The following PCDH9 variants were observed in gnomAD, a reference collection of about 807,000 sequenced individuals.
The protein encoded by PCDH9 is protocadherin-9.
PCDH9 carries 24 observed loss-of-function variants against 70.6 expected under a neutral mutation model. The ratio of observed to expected loss-of-function variants is 0.34; its 90% confidence interval spans 0.25 to 0.48. The LOEUF is 0.48. Among genes scored for constraint, PCDH9 ranks in the 20% least tolerant of loss-of-function variants. The pLI, the probability that PCDH9 is intolerant of heterozygous loss-of-function variation, is 0.99. For missense variants in PCDH9, 1,281 were observed against 1,503.6 expected (o/e 0.85, Z 2.45); for synonymous variants, 562 against 558.5 (o/e 1.01, Z -0.09).
chr13:66,836,278 T>G (rs1208557438), intron 3 of PCDH9, among the ~76,000 whole-genome samples: 1 of 152,200 alleles, frequency 6.6e-6, no homozygotes, highest in Non-Finnish European at 1.5e-5. Flanking sequence ...CCCAGTAGTT[T>G]AGGATAAATT....
intron 2 of PCDH9, among the ~76,000 whole-genome samples, chr13:67,178,053 A>G (rs752315661): frequency 3.3e-5 from 5 of 152,168 alleles, no homozygotes; most frequent in African/African-American, 7.2e-5. Flanking sequence ...TCACTGTACA[A>G]TATACAAACA....
intron 4 of PCDH9, among the ~76,000 whole-genome samples, chr13:66,559,798 T>TAAAAA (rs1961915814): frequency 2.9e-4 from 1 of 3,464 alleles, no homozygotes; most frequent in African/African-American, 8.2e-4. Flanking sequence ...AGACTCCATC[T>TAAAAA]CAAAAAAAAA....
intron 3 of PCDH9, among the ~76,000 whole-genome samples, chr13:66,786,380 T>G (rs1353185184): frequency 2.0e-5 from 3 of 152,198 alleles, no homozygotes; most frequent in African/African-American, 7.2e-5. Context: ...AGAAGGCTTA[T>G]GCTGTATGCT....
chr13:66,569,627 A>C (rs887002280), intron 4 of PCDH9, among the ~76,000 whole-genome samples: 1 of 152,146 alleles, frequency 6.6e-6, no homozygotes, highest in African/African-American at 2.4e-5. Context: ...GTATAGTCAA[A>C]TTACCATTCA....
chr13:67,027,474 A>T (rs1364551084), intron 2 of PCDH9, among the ~76,000 whole-genome samples: 3 of 152,142 alleles, frequency 2.0e-5, no homozygotes, highest in Admixed American at 6.5e-5. Flanking sequence ...CCTAGAAGAA[A>T]ACCTAGGCAT....
chr13:66,782,400 T>C (rs1175495044), intron 3 of PCDH9, among the ~76,000 whole-genome samples: 1 of 152,076 alleles, frequency 6.6e-6, no homozygotes, highest in Admixed American at 6.6e-5. Context: ...CAATGGGGTA[T>C]CAATCATGGT....
At chr13:66,441,183 A>C (rs149324323) in intron 4 of PCDH9, among the ~76,000 whole-genome samples, 481 of 152,296 alleles carry the variant, frequency 3.2e-3, no homozygotes, top group South Asian at 0.011. Context: ...ATGTTGCTTC[A>C]CCAGCAAGTG....
At chr13:66,334,473 T>C (rs1955999781) in intron 4 of PCDH9, among the ~76,000 whole-genome samples, 2 of 152,192 alleles carry the variant, frequency 1.3e-5, no homozygotes, top group South Asian at 4.1e-4. Context: ...GAATGAATGA[T>C]GGAGACCCCC....
At chr13:66,615,510 A>G (rs1593781702) in intron 4 of PCDH9, among the ~76,000 whole-genome samples, 1 of 152,220 alleles carries the variant, frequency 6.6e-6, no homozygotes, top group East Asian at 1.9e-4. Context: ...ATTCATAGAC[A>G]ATTGTCATCT....
At chr13:66,817,534 T>C (rs1404136520) in intron 3 of PCDH9, among the ~76,000 whole-genome samples, 1 of 152,190 alleles carries the variant, frequency 6.6e-6, no homozygotes, top group Non-Finnish European at 1.5e-5. Context: ...TAAAATATCA[T>C]TGTAATATTT....
chr13:66,869,762 C>T (rs1315847424), intron 3 of PCDH9, among the ~76,000 whole-genome samples: 2 of 152,062 alleles, frequency 1.3e-5, no homozygotes, highest in African/African-American at 2.4e-5. Context: ...ACGTCAACCC[C>T]CAGCACACAA....
At chr13:67,073,832 T>A (rs1159901423) in intron 2 of PCDH9, among the ~76,000 whole-genome samples, 1 of 152,086 alleles carries the variant, frequency 6.6e-6, no homozygotes, top group Non-Finnish European at 1.5e-5. Flanking sequence ...CACCCAGGTT[T>A]TCAACATAAA....
At chr13:66,449,583 CA>C (rs1396288316) in intron 4 of PCDH9, among the ~76,000 whole-genome samples, 5 of 152,056 alleles carry the variant, frequency 3.3e-5, no homozygotes, top group African/African-American at 1.2e-4. Context: ...CAAGAGTGTT[CA>C]GAAAATCCTA....
chr13:66,951,090 A>T (rs1232088702), intron 2 of PCDH9, among the ~76,000 whole-genome samples: 2 of 152,196 alleles, frequency 1.3e-5, no homozygotes, highest in African/African-American at 4.8e-5. Flanking sequence ...TGGGCACCTC[A>T]CTTACTCTGC....
At chr13:66,888,856 C>T (rs1370416115) in intron 3 of PCDH9, among the ~76,000 whole-genome samples, 2 of 152,160 alleles carry the variant, frequency 1.3e-5, no homozygotes, top group Non-Finnish European at 2.9e-5. Flanking sequence ...TAAAAGCAGT[C>T]AGGGCTCCTC....
chr13:66,853,876 T>G (rs929850696), intron 3 of PCDH9, among the ~76,000 whole-genome samples: 3 of 152,058 alleles, frequency 2.0e-5, no homozygotes, highest in Non-Finnish European at 4.4e-5. Flanking sequence ...CACCCAGCTA[T>G]GAATCATTTT....
chr13:66,732,586 A>C (rs1412692533), intron 3 of PCDH9, among the ~76,000 whole-genome samples: 1 of 152,028 alleles, frequency 6.6e-6, no homozygotes, highest in Non-Finnish European at 1.5e-5. Context: ...CAAATTTCCA[A>C]ATCCTAAATA....
chr13:67,000,076 C>A (rs9540964), intron 2 of PCDH9, among the ~76,000 whole-genome samples: 16,004 of 152,018 alleles, frequency 0.11, 934 homozygotes, highest in Non-Finnish European at 0.12. Context: ...AGATTTGGAA[C>A]CAACCCAAAT....
At chr13:66,557,637 A>C (rs1046762153) in intron 4 of PCDH9, among the ~76,000 whole-genome samples, 1 of 152,174 alleles carries the variant, frequency 6.6e-6, no homozygotes, top group Non-Finnish European at 1.5e-5. Flanking sequence ...AAATTTAGCA[A>C]GCGTTTTTAA....
Sources: gnomAD v4.1 joint callset for allele counts (sites outside exome capture counted in the v4.1 genomes callset) on GRCh38, gnomAD v4.1.1 for gene constraint, MANE v1.5 for transcripts, NCBI Gene and HGNC (gene_info 2026-07-23, HGNC 2026-07-21) for gene names.